Variants in SNTB2 observed in about 807,000 individuals in gnomAD.
SNTB2 encodes syntrophin beta 2.
A neutral mutation model predicts 46.2 loss-of-function variants in SNTB2; 34 were observed. The ratio of observed to expected loss-of-function variants is 0.74; its 90% CI spans 0.56 to 0.98. The LOEUF is 0.98. Ranked by LOEUF, SNTB2 falls within the 50% of genes least tolerant of loss-of-function variation. The probability of loss-of-function intolerance (pLI) is 0.00; values close to 1 mark genes in which losing one functional copy is unlikely to be tolerated. For missense variants in SNTB2, 603 were observed against 731.4 expected, an observed-to-expected ratio of 0.82 and a Z score of 2.02; for synonymous variants, 290 against 312.6, an observed-to-expected ratio of 0.93 and a Z score of 0.76.
intron 5 of SNTB2, among the ~76,000 whole-genome samples, chr16:69,297,254 C>T (rs1267667879): frequency 7.6e-6 from 1 of 131,180 alleles, no homozygotes; most frequent in African/African-American, 2.9e-5. Context: ...TTGCAGTCAG[C>T]TGAGATTGCG....
chr16:69,247,357 G>A (rs748064205), intron 2 of SNTB2, among the ~76,000 whole-genome samples: 48 of 152,180 alleles, frequency 3.2e-4, no homozygotes, highest in Admixed American at 3.0e-3. Context: ...TAGACCGAAT[G>A]TTAGGTTAGA....
intron 5 of SNTB2, among the ~76,000 whole-genome samples, chr16:69,296,747 T>A (rs1266846937): frequency 6.9e-6 from 1 of 145,872 alleles, no homozygotes; most frequent in Non-Finnish European, 1.5e-5. Context: ...AAAAGAAATC[T>A]CAGGGGCCAA....
intron 1 of SNTB2, among the ~76,000 whole-genome samples, chr16:69,205,316 ATTTT>A (rs34575541): frequency 7.6e-6 from 1 of 130,984 alleles, no homozygotes; most frequent in African/African-American, 2.9e-5. Context: ...CGCTTGGCAA[ATTTT>A]TTTTTTTTTT....
At chr16:69,270,070 C>A in intron 3 of SNTB2, 73 bp from the exon 4 acceptor site, 1 of 1,562,870 alleles carries the variant, frequency 6.4e-7, no homozygotes, top group Non-Finnish European at 8.8e-7. Flanking sequence ...TTGTGTTAGG[C>A]CATCATTGAA....
intron 4 of SNTB2, among the ~76,000 whole-genome samples, chr16:69,277,278 G>A (rs1964992303): frequency 6.6e-6 from 1 of 152,188 alleles, no homozygotes; most frequent in Non-Finnish European, 1.5e-5. Context: ...CTGCTACTGT[G>A]AGCTTGACAG....
intron 1 of SNTB2, among the ~76,000 whole-genome samples, chr16:69,189,710 A>G (rs372684401): frequency 4.5e-4 from 69 of 152,222 alleles, no homozygotes; most frequent in Admixed American, 1.7e-3. Flanking sequence ...GCACTCCAGC[A>G]TGGATGCCCA....
chr16:69,187,306 G>T lies in SNTB2; in HGVS notation c.140G>T (p.Ser47Ile), dbSNP rs1963997793. 1 of 1,470,916 alleles carries T rather than the reference G, an allele frequency of 6.8e-7. No homozygotes were observed. The highest frequency in any genetic ancestry group is 9.0e-7 in the Non-Finnish European group (1 of 1,116,244). 91.1% of individuals were successfully genotyped at this position (1,470,916 alleles called of 1,614,324 possible). Residue 47 changes from serine to isoleucine, a missense_variant, in exon 1 of 7, where the codon AGC (serine) becomes ATC (isoleucine). Coordinates refer to ENST00000336278, the MANE Select transcript of SNTB2 (RefSeq NM_006750.4). The part of the protein sequence containing the change: ...VRVVAELSGE[S>I]LSLTGDAAAA... The stretch of plus-strand genomic sequence containing the variant: ...GTGGTGGCCGAGCTGAGCGGGGAGA[G>T]CCTGAGCCTGACGGGCGACGCCGCC...
chr16:69,263,916 T>C (rs1461062481), intron 3 of SNTB2, among the ~76,000 whole-genome samples: 1 of 151,614 alleles, frequency 6.6e-6, no homozygotes, highest in Admixed American at 6.6e-5. Context: ...AGAGTCTCAC[T>C]CTGTTGCAGT....
chr16:69,300,787 G>C (rs537940717), intron 6 of SNTB2, 45 bp from the exon 7 acceptor site: 1 of 1,210,226 alleles, frequency 8.3e-7, no homozygotes, highest in Admixed American at 1.7e-5. Context: ...TAAGTTGTCT[G>C]TATATGGTAG....
At chr16:69,289,062 G>A (rs1309684618) in intron 5 of SNTB2, among the ~76,000 whole-genome samples, 1 of 151,776 alleles carries the variant, frequency 6.6e-6, no homozygotes, top group Non-Finnish European at 1.5e-5. Context: ...CTGAGGTCAG[G>A]AGTTCGAGAC....
Position 69,208,442 on chromosome 16 carries a change from T to C in SNTB2, c.580+20696T>C, listed in dbSNP as rs559360941. On this transcript the variant is annotated intron_variant, in intron 1 of 6. Transcript: ENST00000336278. ...AAAAAGTAAAAGATATAGTATAGTA[T>C]GTACTCTTTTGTGTTTGGCTTCTTT... Among the ~76,000 whole-genome samples the C allele has an allele frequency of 4.6e-5, 7 of 152,150 alleles. No homozygotes were observed. The South Asian group carries it at 1.2e-3, about 27-fold the overall frequency.
At chr16:69,265,235 C>T (rs144462621) in intron 3 of SNTB2, among the ~76,000 whole-genome samples, 2 of 151,998 alleles carry the variant, frequency 1.3e-5, no homozygotes, top group African/African-American at 4.8e-5. Flanking sequence ...GGCAACAAAG[C>T]GAGACTCTGT....
intron 2 of SNTB2, among the ~76,000 whole-genome samples, chr16:69,257,169 C>CAA (rs35505662): frequency 0.012 from 1,253 of 101,764 alleles, 24 homozygotes; most frequent in African/African-American, 0.035. Flanking sequence ...GACTCCATCT[C>CAA]AAAAAAAAAA....
At chr16:69,300,491 C>CT in intron 6 of SNTB2, among the ~76,000 whole-genome samples, 1 of 152,280 alleles carries the variant, frequency 6.6e-6, no homozygotes, top group African/African-American at 2.4e-5. Flanking sequence ...ACCTCATGAT[C>CT]TGCCCGCCTC....
rs557969598 is a variant in SNTB2 at position 69,266,389 on chromosome 16, C to A, written c.1006-3754C>A. The stretch of plus-strand genomic sequence containing the variant: ...AAAAACAAAACAAAACAAAACAAAA[C>A]AAAAAAAAGTTAAGGCAAATAGGCA... On this transcript the variant is annotated intron_variant, in intron 3 of 6. Transcript: ENST00000336278. 7.3e-3 allele frequency among the ~76,000 whole-genome samples: 1,103 copies of A among 150,174 alleles called. 13 individuals carry two copies. The highest frequency in any genetic ancestry group is 0.024 in the African/African-American group (989 of 41,090).
chr16:69,297,668 T>C (rs1379533082), intron 5 of SNTB2, among the ~76,000 whole-genome samples: 2 of 150,742 alleles, frequency 1.3e-5, no homozygotes, highest in Non-Finnish European at 2.9e-5. Flanking sequence ...TCCCCACACT[T>C]TGGGAGGCCG....
At chr16:69,222,221 A>T (rs1430431706) in intron 1 of SNTB2, among the ~76,000 whole-genome samples, 1 of 152,212 alleles carries the variant, frequency 6.6e-6, no homozygotes, top group Non-Finnish European at 1.5e-5. Context: ...CAACATAAAA[A>T]ATATCAACTG....
intron 2 of SNTB2, among the ~76,000 whole-genome samples, chr16:69,249,489 T>C (rs1270739479): frequency 6.6e-6 from 1 of 152,228 alleles, no homozygotes; most frequent in Admixed American, 6.6e-5. Context: ...CTAAACGTTG[T>C]GCTACTTCGT....
chr16:69,262,108 A>G (rs898800224), intron 3 of SNTB2, among the ~76,000 whole-genome samples: 1 of 152,208 alleles, frequency 6.6e-6, no homozygotes, highest in Admixed American at 6.5e-5. Context: ...GTCCTTTCAC[A>G]CATGCACTGT....
Sources: gnomAD v4.1 joint callset for allele counts (sites outside exome capture counted in the v4.1 genomes callset) on GRCh38, gnomAD v4.1.1 for gene constraint, MANE v1.5 for transcripts, NCBI Gene and HGNC (gene_info 2026-07-23, HGNC 2026-07-21) for gene names.